Variants in CACNA2D3 observed in about 807,000 individuals in gnomAD.
CACNA2D3 encodes the protein voltage-dependent calcium channel subunit alpha-2/delta-3.
Under a neutral mutation model 160.6 loss-of-function variants are expected in CACNA2D3, and 60 were observed. The observed-to-expected ratio is 0.37, with a 90% confidence interval of 0.30 to 0.46. The LOEUF (loss-of-function observed/expected upper bound fraction) is 0.46, where lower values mean the gene tolerates loss of function less well. Ranked by LOEUF, CACNA2D3 falls within the 20% of genes least tolerant of loss-of-function variation. The probability of loss-of-function intolerance (pLI) is 1.00; values close to 1 mark genes in which losing one functional copy is unlikely to be tolerated. For synonymous variants in CACNA2D3, 558 were observed against 492.9 expected, an observed-to-expected ratio of 1.13 and a Z score of -1.75; for missense variants, 1,205 against 1,365.0, an observed-to-expected ratio of 0.88 and a Z score of 1.85.
At chr3:54,322,022 G>T (rs1339523961) in intron 3 of CACNA2D3, among the ~76,000 whole-genome samples, 1 of 152,030 alleles carries the variant, frequency 6.6e-6, no homozygotes, top group Non-Finnish European at 1.5e-5. Flanking sequence ...AATTTTAGAG[G>T]AGAAAAGGAC....
At chr3:54,598,851 A>G (rs771349127) in intron 9 of CACNA2D3, among the ~76,000 whole-genome samples, 2 of 152,182 alleles carry the variant, frequency 1.3e-5, no homozygotes, top group Non-Finnish European at 2.9e-5. Context: ...ATGCGGTGAA[A>G]TTACCCAGAG....
intron 4 of CACNA2D3, among the ~76,000 whole-genome samples, chr3:54,494,289 T>G (rs1241779655): frequency 1.3e-5 from 2 of 152,208 alleles, no homozygotes; most frequent in Non-Finnish European, 2.9e-5. Flanking sequence ...TCTTCTTGTT[T>G]GTACTGAATC....
At chr3:54,145,181 A>G (rs1700002070) in intron 2 of CACNA2D3, among the ~76,000 whole-genome samples, 1 of 152,252 alleles carries the variant, frequency 6.6e-6, no homozygotes, top group Non-Finnish European at 1.5e-5. Context: ...TTAGCAGTCT[A>G]ATAAATTAAG....
intron 2 of CACNA2D3, among the ~76,000 whole-genome samples, chr3:54,225,124 C>T (rs950724552): frequency 6.6e-6 from 1 of 151,762 alleles, no homozygotes; most frequent in Admixed American, 6.6e-5. Flanking sequence ...CCACAACAGG[C>T]CCCAGTGTGT....
intron 3 of CACNA2D3, among the ~76,000 whole-genome samples, chr3:54,382,612 A>G (rs1362847234): frequency 2.0e-5 from 3 of 152,174 alleles, no homozygotes; most frequent in Non-Finnish European, 4.4e-5. Flanking sequence ...GTGAAACCCC[A>G]TCTCTGCTAA....
chr3:54,913,011 G>T (rs1378654121), intron 27 of CACNA2D3, among the ~76,000 whole-genome samples: 3 of 152,058 alleles, frequency 2.0e-5, no homozygotes, highest in Non-Finnish European at 4.4e-5. Context: ...AGCATAGGAT[G>T]GGCTGTACAG....
chr3:54,383,185 C>T (rs1699132553), intron 3 of CACNA2D3, among the ~76,000 whole-genome samples: 2 of 152,144 alleles, frequency 1.3e-5, no homozygotes, highest in South Asian at 4.1e-4. Context: ...AATAACATTT[C>T]TTTTAATTTG....
chr3:54,481,405 C>T (rs1472948852), intron 4 of CACNA2D3, among the ~76,000 whole-genome samples: 9 of 152,140 alleles, frequency 5.9e-5, no homozygotes, highest in Non-Finnish European at 1.3e-4. Flanking sequence ...TTTCCAGCCT[C>T]TGGAAAACCT....
intron 27 of CACNA2D3, among the ~76,000 whole-genome samples, chr3:54,946,091 A>G (rs908562664): frequency 5.9e-5 from 9 of 152,380 alleles, no homozygotes; most frequent in African/African-American, 1.9e-4. Context: ...TGCTAAGGAA[A>G]TAAAAAGCAG....
chr3:54,461,006 A>G (rs1276590541), intron 4 of CACNA2D3, among the ~76,000 whole-genome samples: 1 of 148,784 alleles, frequency 6.7e-6, no homozygotes, highest in Non-Finnish European at 1.5e-5. Context: ...ATTTTGTCAA[A>G]GGCCTTTTCT....
At chr3:54,298,520 CG>C (rs1703390142) in intron 2 of CACNA2D3, among the ~76,000 whole-genome samples, 1 of 152,144 alleles carries the variant, frequency 6.6e-6, no homozygotes, top group South Asian at 2.1e-4. Context: ...AGGAGTAGGC[CG>C]GGCGCAGTGG....
At chr3:54,346,054 C>T (rs371636120) in intron 3 of CACNA2D3, among the ~76,000 whole-genome samples, 72 of 150,974 alleles carry the variant, frequency 4.8e-4, no homozygotes, top group African/African-American at 1.7e-3. Flanking sequence ...GGTTGAAAAA[C>T]AAAGTTCCCA....
In CACNA2D3 at chr3:54,361,413, C is replaced by T. The variant is rs138004357; in HGVS notation, c.322-25302C>T. ...TTGCAAAGGAAGTATCTAAGAATGA[C>T]GAATTTTAGGCCCAGTTCAGCTTCT... On this transcript the variant is annotated intron_variant, in intron 3 of 37. Transcript: ENST00000474759. 5.7e-3 allele frequency among the ~76,000 whole-genome samples: 871 copies of T among 152,192 alleles called. 25 individuals carry two copies. The highest frequency in any genetic ancestry group is 0.037 in the Admixed American group (572 of 15,268).
intron 3 of CACNA2D3, among the ~76,000 whole-genome samples, chr3:54,351,530 G>C (rs1312452854): frequency 1.3e-5 from 2 of 152,120 alleles, no homozygotes; most frequent in East Asian, 1.9e-4. Flanking sequence ...AGTAACTAAG[G>C]GTAGTTGTGT....
At chr3:54,976,761 T>A (rs1702400476) in intron 29 of CACNA2D3, among the ~76,000 whole-genome samples, 2 of 152,202 alleles carry the variant, frequency 1.3e-5, no homozygotes, top group African/African-American at 4.8e-5. Flanking sequence ...GTTAAAGCAG[T>A]GTTTGCCCCT....
chr3:54,463,615 A>T (rs1468385542), intron 4 of CACNA2D3, among the ~76,000 whole-genome samples: 1 of 152,104 alleles, frequency 6.6e-6, no homozygotes, highest in East Asian at 1.9e-4. Flanking sequence ...CTTGGCTTTC[A>T]GCTCCATCAG....
intron 11 of CACNA2D3, among the ~76,000 whole-genome samples, chr3:54,718,787 G>A (rs551858381): frequency 1.3e-4 from 20 of 152,150 alleles, no homozygotes; most frequent in African/African-American, 4.8e-4. Context: ...ATCTTTATAA[G>A]ATTGAGTCTT....
At chr3:54,937,573 A>G (rs1575391452) in intron 27 of CACNA2D3, among the ~76,000 whole-genome samples, 1 of 152,230 alleles carries the variant, frequency 6.6e-6, no homozygotes, top group Non-Finnish European at 1.5e-5. Context: ...ATGAAAAAGT[A>G]CAGCCATTAA....
At chr3:54,709,431 G>A (rs774766668) in intron 11 of CACNA2D3, among the ~76,000 whole-genome samples, 21 of 151,290 alleles carry the variant, frequency 1.4e-4, no homozygotes, top group Non-Finnish European at 2.4e-4. Context: ...GCATGATCTC[G>A]ATTCACTAAA....
Sources: gnomAD v4.1 joint callset for allele counts (sites outside exome capture counted in the v4.1 genomes callset) on GRCh38, gnomAD v4.1.1 for gene constraint, MANE v1.5 for transcripts, NCBI Gene and HGNC (gene_info 2026-07-23, HGNC 2026-07-21) for gene names.